The following KCNIP4 variants were observed in gnomAD, a reference collection of about 807,000 sequenced individuals.
KCNIP4 encodes the protein potassium voltage-gated channel interacting protein 4, also known as Kv channel-interacting protein 4.
In KCNIP4, 12 loss-of-function variants were observed where a neutral mutation model predicts 34.0. The observed-to-expected ratio is 0.35, with a 90% CI of 0.23 to 0.57. KCNIP4 has a LOEUF of 0.57. KCNIP4 is among the 20% of genes least tolerant of loss of function. KCNIP4 has a pLI of 0.83. For synonymous variants in KCNIP4, 124 were observed against 102.2 expected (o/e 1.21, Z -1.29); for missense variants, 238 against 311.7 (o/e 0.76, Z 1.78).
In KCNIP4 at chr4:21,073,303, T is replaced by C. The variant is rs1745154489; in HGVS notation, c.62-190594A>G. ...GCATGGAATGTTCTTCCATTATTTG[T>C]ATCCTCTTCTATTTCATTGAGCAGT... is the stretch of plus-strand genomic sequence containing the variant. On this transcript the variant is annotated intron_variant, in intron 1 of 8. Coordinates refer to ENST00000382152, the MANE Select transcript of KCNIP4 (RefSeq NM_025221.6). Among the ~76,000 whole-genome samples the C allele has an allele frequency of 2.0e-5, 3 of 152,140 alleles. No homozygotes were observed. In the South Asian group the frequency reaches 6.2e-4, roughly 31 times the overall value.
chr4:20,968,558 A>G (rs1402144126), intron 1 of KCNIP4, among the ~76,000 whole-genome samples: 6 of 152,178 alleles, frequency 3.9e-5, no homozygotes, highest in African/African-American at 4.8e-5. Context: ...CTGGATTAAG[A>G]AAATGTGGCA....
intron 1 of KCNIP4, among the ~76,000 whole-genome samples, chr4:21,796,005 GT>G (rs777674264): frequency 6.6e-6 from 1 of 152,128 alleles, no homozygotes; most frequent in African/African-American, 2.4e-5. Context: ...GGAGGCGGAG[GT>G]AGCAGTGAGC....
chr4:20,986,590 A>AG (rs1356578396), intron 1 of KCNIP4, among the ~76,000 whole-genome samples: 1 of 152,222 alleles, frequency 6.6e-6, no homozygotes, highest in Non-Finnish European at 1.5e-5. Flanking sequence ...AAGTACTGAG[A>AG]GGGGGTCACA....
intron 1 of KCNIP4, among the ~76,000 whole-genome samples, chr4:21,131,880 A>G (rs1311544443): frequency 6.6e-6 from 1 of 152,238 alleles, no homozygotes; most frequent in Non-Finnish European, 1.5e-5. Flanking sequence ...TCTAAACCTT[A>G]GAAACACTTG....
intron 1 of KCNIP4, among the ~76,000 whole-genome samples, chr4:21,323,577 G>T (rs1020779520): frequency 7.2e-5 from 11 of 152,028 alleles, no homozygotes; most frequent in Non-Finnish European, 2.9e-5. Context: ...CATCCATATT[G>T]TTGCAAATGA....
intron 1 of KCNIP4, among the ~76,000 whole-genome samples, chr4:21,129,195 T>C (rs1750868817): frequency 6.6e-6 from 1 of 152,250 alleles, no homozygotes; most frequent in Non-Finnish European, 1.5e-5. Context: ...ATGTAGGATG[T>C]CACTTTGCTC....
At chr4:21,598,523 C>A (rs1742834183) in intron 1 of KCNIP4, among the ~76,000 whole-genome samples, 1 of 152,004 alleles carries the variant, frequency 6.6e-6, no homozygotes, top group Non-Finnish European at 1.5e-5. Flanking sequence ...AGGCAGGCAG[C>A]AGACTGGATT....
At chr4:21,948,445 T>G in intron 1 of KCNIP4, 126 bp downstream of exon 1, 1 of 1,032,876 alleles carries the variant, frequency 9.7e-7, no homozygotes, top group Admixed American at 2.3e-5. Context: ...TCCCGCCAGG[T>G]GACTGTGTCT....
chr4:20,930,003 A>G (rs1444614268), intron 1 of KCNIP4, among the ~76,000 whole-genome samples: 1 of 152,058 alleles, frequency 6.6e-6, no homozygotes, highest in Non-Finnish European at 1.5e-5. Context: ...TATGCATCAC[A>G]GAAATAGAAA....
chr4:20,960,899 C>G (rs1193625196), intron 1 of KCNIP4, among the ~76,000 whole-genome samples: 1 of 152,150 alleles, frequency 6.6e-6, no homozygotes, highest in Non-Finnish European at 1.5e-5. Flanking sequence ...AAGGAAGTCT[C>G]TAATAAGACA....
chr4:21,872,841 T>C lies in KCNIP4; in HGVS notation c.61+75730A>G, dbSNP rs188160248. Among the ~76,000 whole-genome samples, 117 of 152,334 alleles carry C rather than the reference T, an allele frequency of 7.7e-4. 1 individual carries two copies. The Middle Eastern group carries it at 0.017, about 22-fold the overall frequency. On this transcript the variant is annotated intron_variant, in intron 1 of 8. Transcript: ENST00000382152. The stretch of plus-strand genomic sequence containing the variant: ...ATTTCTAACTAAATGGCAAATATAG[T>C]ATTAACTTTTTCTATGAAGCCAGTA...
intron 1 of KCNIP4, among the ~76,000 whole-genome samples, chr4:21,910,893 T>C (rs1728268143): frequency 1.3e-5 from 2 of 152,206 alleles, no homozygotes; most frequent in South Asian, 4.1e-4. Context: ...AGGCCATTCA[T>C]TTACTATGAT....
At chr4:21,736,258 A>G (rs1715983897) in intron 1 of KCNIP4, among the ~76,000 whole-genome samples, 2 of 152,130 alleles carry the variant, frequency 1.3e-5, no homozygotes, top group South Asian at 4.2e-4. Context: ...GGCCCAGCCC[A>G]TCTCAATTCA....
At chr4:21,668,155 CT>C (rs750866751) in intron 1 of KCNIP4, among the ~76,000 whole-genome samples, 67 of 152,276 alleles carry the variant, frequency 4.4e-4, no homozygotes, top group Non-Finnish European at 7.1e-4. Context: ...ACCGCATGTT[CT>C]CACTCATAAG....
chr4:21,707,969 G>A (rs1255772310), intron 1 of KCNIP4, among the ~76,000 whole-genome samples: 2 of 131,828 alleles, frequency 1.5e-5, no homozygotes, highest in East Asian at 2.2e-4. Flanking sequence ...ACACACACAC[G>A]GATAATGTCA....
chr4:20,832,966 G>A (rs1354452239), intron 3 of KCNIP4, among the ~76,000 whole-genome samples: 1 of 152,102 alleles, frequency 6.6e-6, no homozygotes, highest in Non-Finnish European at 1.5e-5. Flanking sequence ...AAAGTTTTCT[G>A]CATGGTGAAT....
intron 1 of KCNIP4, among the ~76,000 whole-genome samples, chr4:21,476,957 T>A (rs1013421013): frequency 7.9e-5 from 12 of 152,260 alleles, no homozygotes; most frequent in African/African-American, 2.2e-4. Context: ...GGCACTGTCC[T>A]AGGTGCTGAA....
intron 1 of KCNIP4, among the ~76,000 whole-genome samples, chr4:20,943,822 T>A (rs1731908330): frequency 6.6e-6 from 1 of 152,210 alleles, no homozygotes; most frequent in Admixed American, 6.5e-5. Flanking sequence ...AACAAGGCAC[T>A]GTTTCTCCAG....
In KCNIP4 at chr4:20,819,085, TG is replaced by T. The variant is rs1415704246; in HGVS notation, c.288+31457del. 6.6e-5 allele frequency among the ~76,000 whole-genome samples: 10 copies of T among 152,116 alleles called. No individual in the cohort carries two copies. In the South Asian group the frequency reaches 2.1e-3, roughly 32 times the overall value. On this transcript the variant is annotated intron_variant, in intron 3 of 8. Coordinates refer to ENST00000382152, the MANE Select transcript of KCNIP4 (RefSeq NM_025221.6). ...TTTTAGTAGAGACAGGGTTTCTCCATGTTGGTCAGGCTGGTTTTGAACTCTC... is the reference window on the plus strand; with the variant it reads ...TTTTAGTAGAGACAGGGTTTCTCCATTTGGTCAGGCTGGTTTTGAACTCTC...
Sources: gnomAD v4.1 joint callset for allele counts (sites outside exome capture counted in the v4.1 genomes callset) on GRCh38, gnomAD v4.1.1 for gene constraint, MANE v1.5 for transcripts, NCBI Gene and HGNC (gene_info 2026-07-23, HGNC 2026-07-21) for gene names.